Variants in AHDC1 observed in about 807,000 individuals in gnomAD.
The protein encoded by AHDC1 is transcription factor Gibbin.
A neutral mutation model predicts 87.9 loss-of-function variants in AHDC1; 7 were observed. The ratio of observed to expected loss-of-function variants is 0.08; its 90% confidence interval spans 0.05 to 0.15. The LOEUF is 0.15. AHDC1 is among the 10% of genes least tolerant of loss of function. The probability of loss-of-function intolerance (pLI) is 1.00; values close to 1 mark genes in which losing one functional copy is unlikely to be tolerated. For synonymous variants in AHDC1, 1,051 were observed against 1,006.8 expected (o/e 1.04, Z -0.83); for missense variants, 1,841 against 2,253.2 (o/e 0.82, Z 3.70).
chr1:27,550,888 C>A lies in AHDC1; in HGVS notation c.1228G>T (p.Glu410Ter). The A allele has an allele frequency of 6.3e-7, 1 of 1,587,024 alleles. No individual in the cohort carries two copies. The highest frequency in any genetic ancestry group is 2.3e-5 in the East Asian group (1 of 43,932). Residue 410 changes from glutamate (E) to a stop codon, truncating the protein, a stop_gained, in exon 8 of 9, where the codon GAG (glutamate) becomes TAG (stop). Coordinates refer to ENST00000673934, the MANE Select transcript of AHDC1 (RefSeq NM_001371928.1). LOFTEE classifies it high-confidence loss of function. ...ATAGGCAGGGGCAGTAGGCGGCCCTCGGGTCCGGCGTCTGCCTTGCGTCCC... is the reference window on the plus strand; with the variant it reads ...ATAGGCAGGGGCAGTAGGCGGCCCTAGGGTCCGGCGTCTGCCTTGCGTCCC... ...GRGRKADAGP[E>*]GRLLPLPMPT...
rs147020238 is a variant in AHDC1 at position 27,548,350 on chromosome 1, C to A, written c.3766G>T (p.Ala1256Ser). The change falls in exon 8 of 9, where the codon GCT (alanine) becomes TCT (serine). Residue 1256 changes from alanine to serine, a missense_variant. This residue lies in a region of AHDC1 where 505 missense variants were observed against 626.2 expected (regional missense o/e 0.81). Coordinates refer to ENST00000673934, the MANE Select transcript of AHDC1 (RefSeq NM_001371928.1). Reference protein sequence around the residue: ...HLGFPTSASAAASGYPSKRST... With the variant: ...HLGFPTSASASASGYPSKRST... Reference sequence around the variant, plus strand: ...CGTTTGGATGGGTAGCCTGAGGCAGCGGCAGAGGCGGATGTCGGGAAGCCC... The same window carrying A: ...CGTTTGGATGGGTAGCCTGAGGCAGAGGCAGAGGCGGATGTCGGGAAGCCC... 43 of 1,605,630 alleles carry A rather than the reference C, an allele frequency of 2.7e-5. No homozygotes were observed. Among genetic ancestry groups the A allele is most frequent in the Non-Finnish European group, 3.6e-5 (42 of 1,174,364 alleles).
In AHDC1 at chr1:27,547,722, G is replaced by A. The variant is rs749178720; in HGVS notation, c.4394C>T (p.Ala1465Val). 1.9e-6 allele frequency: 3 copies of A among 1,594,382 alleles called. No individual in the cohort carries two copies. The highest frequency in any genetic ancestry group is 2.2e-5 in the South Asian group (2 of 89,744). Residue 1465 changes from alanine (A) to valine (V), a missense_variant, in exon 8 of 9, where the codon GCC (alanine) becomes GTC (valine). This residue lies in a region of AHDC1 where 505 missense variants were observed against 626.2 expected (regional missense o/e 0.81). Coordinates refer to ENST00000673934, the MANE Select transcript of AHDC1 (RefSeq NM_001371928.1). The surrounding 1 kb of genome is among the most constrained non-coding windows in gnomAD (Gnocchi z 4.9). ...HYDSPSCKGT[A>V]YWYPPGSAAR... ...AGCTGAGCCTGGAGGGTACCAATAG[G>A]CTGTGCCCTTGCAGCTGGGGGAATC... is the stretch of plus-strand genomic sequence containing the variant.
chr1:27,588,440 T>C (rs187604333), intron 3 of AHDC1, among the ~76,000 whole-genome samples: 1 of 152,332 alleles, frequency 6.6e-6, no homozygotes, highest in Admixed American at 6.5e-5. Flanking sequence ...ATGAATGCTC[T>C]GTATAGACCT....
In AHDC1 at chr1:27,549,889, G is replaced by A. The variant is rs751160000; in HGVS notation, c.2227C>T (p.Arg743Trp). The stretch of plus-strand genomic sequence containing the variant: ...AACAGAGTCCCATTCTTCCGGGACC[G>A]TCTCTTGCGCTTTGGCTTCCCAGTC... ...AVTGKPKRKR[R>W]SRKNGTLFPE... The change falls in exon 8 of 9, where the codon CGG (arginine) becomes TGG (tryptophan). Residue 743 changes from arginine to tryptophan, a missense_variant. This residue lies in a region of AHDC1 where 236 missense variants were observed against 257.9 expected (regional missense o/e 0.92). Transcript: ENST00000673934. The A allele has an allele frequency of 6.2e-6, 10 of 1,613,472 alleles. No homozygotes were observed. The highest frequency in any genetic ancestry group is 2.2e-5 in the South Asian group (2 of 91,004).
At chr1:27,566,516 C>T (rs914387525) in intron 3 of AHDC1, among the ~76,000 whole-genome samples, 2 of 151,722 alleles carry the variant, frequency 1.3e-5, no homozygotes, top group Admixed American at 6.6e-5. Context: ...AGAGCACCAG[C>T]GACCCGGGAG....
At chr1:27,545,213 G>T (rs1997756) in intron 8 of AHDC1, among the ~76,000 whole-genome samples, 1,594 of 152,038 alleles carry the variant, frequency 0.01, 21 homozygotes, top group African/African-American at 0.036. Context: ...GCCACTGTTT[G>T]CTGTCTTTCC....
chr1:27,566,625 T>C (rs529856521), intron 3 of AHDC1, among the ~76,000 whole-genome samples: 1 of 116,582 alleles, frequency 8.6e-6, no homozygotes, highest in Admixed American at 1.1e-4. Flanking sequence ...GTGACACTAC[T>C]AAGTGTTAGA....
At chr1:27,541,466 ACAC>A (rs1292390236) in intron 8 of AHDC1, among the ~76,000 whole-genome samples, 1 of 147,624 alleles carries the variant, frequency 6.8e-6, no homozygotes, top group African/African-American at 2.5e-5. Context: ...CTACAGGCAC[ACAC>A]CACCACAACT....
At chr1:27,591,645 C>G (rs985611506) in intron 3 of AHDC1, among the ~76,000 whole-genome samples, 6 of 152,164 alleles carry the variant, frequency 3.9e-5, no homozygotes, top group Non-Finnish European at 7.3e-5. Context: ...GAGAGAGGAT[C>G]TGGAGTCTGC....
intron 3 of AHDC1, among the ~76,000 whole-genome samples, chr1:27,597,797 G>C (rs1158568866): frequency 3.9e-5 from 6 of 151,966 alleles, no homozygotes; most frequent in Non-Finnish European, 8.8e-5. Context: ...GTCTGTCTGG[G>C]TTTCCCCCTT....
intron 3 of AHDC1, among the ~76,000 whole-genome samples, chr1:27,570,424 G>A (rs543882933): frequency 6.6e-5 from 10 of 151,970 alleles, no homozygotes; most frequent in Non-Finnish European, 1.3e-4. Flanking sequence ...GGGATACTGA[G>A]GCCATGAGGA....
rs946509608 is a variant in AHDC1 at position 27,562,200 on chromosome 1, C to T, written c.-628-3317G>A. On this transcript the variant is annotated intron_variant, in intron 3 of 8. Transcript: ENST00000673934. This position sits in a 1 kb window ranked among gnomAD's most constrained non-coding sequence, Gnocchi z 4.4. ...GATGTGTGGGCAGGGGGAGTGGACG[C>T]GCCCAAGCTGGCTCGGCGGGGGCGG... 9.9e-5 allele frequency among the ~76,000 whole-genome samples: 15 copies of T among 152,220 alleles called. No individual in the cohort carries two copies. In the South Asian group the frequency reaches 2.3e-3, roughly 23 times the overall value.
rs1229572934 is a variant in AHDC1, at chr1:27,593,549, C to T, written c.-629+9848G>A. On this transcript the variant is annotated intron_variant, in intron 3 of 8. Transcript: ENST00000673934. This position sits in a 1 kb window ranked among gnomAD's most constrained non-coding sequence, Gnocchi z 4.9. ...TTCCCTCTGGCCCTTGGTGCTGCCC[C>T]AGTCCCACAGCCACGGCTCCAGCTG... Among the ~76,000 whole-genome samples, 2 of 152,246 alleles carry T rather than the reference C, an allele frequency of 1.3e-5. No homozygotes were observed. Among genetic ancestry groups the T allele is most frequent in the Non-Finnish European group, 2.9e-5 (2 of 68,042 alleles).
chr1:27,570,310 C>T (rs558922362), intron 3 of AHDC1, among the ~76,000 whole-genome samples: 69 of 152,032 alleles, frequency 4.5e-4, no homozygotes, highest in Non-Finnish European at 8.2e-4. Context: ...CAGCTTCCCA[C>T]ACCCCTCCAG....
intron 3 of AHDC1, among the ~76,000 whole-genome samples, chr1:27,586,924 G>C (rs2089075984): frequency 1.3e-5 from 2 of 152,198 alleles, no homozygotes; most frequent in African/African-American, 2.4e-5. Context: ...CTGGGGCTTG[G>C]AGTCAGGTCT....
In AHDC1 at chr1:27,560,182, C is replaced by T. The variant is rs1300398949; in HGVS notation, c.-628-1299G>A. ...TACATGTGGGTATGTGCACTTTTCACGTTTATTTCTATTCGTTTTGTGTGT... is the reference window on the plus strand; with the variant it reads ...TACATGTGGGTATGTGCACTTTTCATGTTTATTTCTATTCGTTTTGTGTGT... On this transcript the variant is annotated intron_variant, in intron 3 of 8. Transcript: ENST00000673934. The surrounding 1 kb of genome is among the most constrained non-coding windows in gnomAD (Gnocchi z 4.1). 7.0e-6 allele frequency among the ~76,000 whole-genome samples: 1 copy of T among 142,024 alleles called. No individual in the cohort carries two copies. Among genetic ancestry groups the T allele is most frequent in the Admixed American group, 7.4e-5 (1 of 13,536 alleles). 93.2% of individuals were successfully genotyped at this position (142,024 alleles called of 152,430 possible).
At chr1:27,586,312 AGGAGAGGACCCCTGGT>A (rs575480539) in intron 3 of AHDC1, among the ~76,000 whole-genome samples, 12 of 151,870 alleles carry the variant, frequency 7.9e-5, no homozygotes, top group East Asian at 3.9e-4. Flanking sequence ...GTGAGATGGG[AGGAGAGGACCCCTGGT>A]GGAGAGGACC....
At chr1:27,584,559 C>T (rs2088993548) in intron 3 of AHDC1, among the ~76,000 whole-genome samples, 1 of 152,138 alleles carries the variant, frequency 6.6e-6, no homozygotes, top group African/African-American at 2.4e-5. Flanking sequence ...ATTGACCACA[C>T]CTATCAGCCT....
At chr1:27,564,856 G>C (rs1427164008) in intron 3 of AHDC1, among the ~76,000 whole-genome samples, 1 of 152,092 alleles carries the variant, frequency 6.6e-6, no homozygotes, top group Non-Finnish European at 1.5e-5. Context: ...AGCAGCACCT[G>C]GTGCTTGGAA....
Sources: allele counts gnomAD v4.1 joint callset (sites outside exome capture counted in the v4.1 genomes callset), GRCh38; gene constraint gnomAD v4.1.1; regional missense constraint gnomAD v4.1.1; non-coding constraint Gnocchi (gnomAD v3.1); transcripts MANE v1.5; gene names NCBI Gene and HGNC (gene_info 2026-07-23, HGNC 2026-07-21).